Variants in IFT122 observed in about 807,000 individuals in gnomAD.
IFT122 encodes intraflagellar transport 122.
A neutral mutation model predicts 161.6 loss-of-function variants in IFT122; 118 were observed. The observed-to-expected ratio is 0.73, with a 90% confidence interval of 0.63 to 0.85. The LOEUF is 0.85. IFT122 is among the 40% of genes least tolerant of loss of function. The pLI, the probability that IFT122 is intolerant of heterozygous loss-of-function variation, is 0.00. For synonymous variants in IFT122, 550 were observed against 602.4 expected (o/e 0.91, Z 1.27); for missense variants, 1,381 against 1,579.6 (o/e 0.87, Z 2.13).
At chr3:129,476,945 CTT>C (rs952499116) in intron 11 of IFT122, 144 bp downstream of exon 11, 25,289 of 592,366 alleles carry the variant, frequency 0.043, no homozygotes, top group East Asian at 0.054. Flanking sequence ...GTCTTGTTTT[CTT>C]TTTTTTTTTT....
chr3:129,459,632 C>T (rs2075966260), intron 4 of IFT122, among the ~76,000 whole-genome samples: 1 of 142,816 alleles, frequency 7.0e-6, no homozygotes, highest in Non-Finnish European at 1.5e-5. Context: ...TTCCTTCCTT[C>T]CTTCCCTCCC....
intron 25 of IFT122, chr3:129,515,145 A>G: frequency 2.2e-6 from 1 of 448,570 alleles, no homozygotes; most frequent in South Asian, 2.1e-5. Flanking sequence ...TAAATGAGCC[A>G]GTATAGTCCA....
At chr3:129,477,600 T>C (rs1173176709) in intron 11 of IFT122, among the ~76,000 whole-genome samples, 1 of 152,210 alleles carries the variant, frequency 6.6e-6, no homozygotes, top group Non-Finnish European at 1.5e-5. Context: ...TGGTCTGTAG[T>C]GGGAGTGTAG....
intron 24 of IFT122, 30 bp from the exon 25 acceptor site, chr3:129,514,359 C>T (rs2083211652): frequency 1.2e-6 from 2 of 1,613,230 alleles, no homozygotes; most frequent in African/African-American, 1.3e-5. Context: ...CTGGTGTTGC[C>T]CCTGCTGTCC....
intron 3 of IFT122, among the ~76,000 whole-genome samples, chr3:129,453,117 T>C (rs1219658611): frequency 6.6e-6 from 1 of 152,048 alleles, no homozygotes; most frequent in Non-Finnish European, 1.5e-5. Flanking sequence ...GTTGATGATG[T>C]CGGAGAGGGG....
chr3:129,494,778 A>G (rs577694615), intron 17 of IFT122, among the ~76,000 whole-genome samples: 3 of 152,282 alleles, frequency 2.0e-5, no homozygotes, highest in South Asian at 4.1e-4. Context: ...GTCAGACAGA[A>G]CTGCGTCCAA....
intron 23 of IFT122, among the ~76,000 whole-genome samples, chr3:129,511,004 G>A (rs969073096): frequency 1.3e-5 from 2 of 152,204 alleles, no homozygotes; most frequent in African/African-American, 2.4e-5. Flanking sequence ...AAGTGAAGTG[G>A]AGGAGGATTA....
chr3:129,516,542 G>GCA (rs1222701389), intron 26 of IFT122, among the ~76,000 whole-genome samples: 1 of 98,552 alleles, frequency 1.0e-5, no homozygotes, highest in East Asian at 3.3e-4. Flanking sequence ...GACTGCCCCT[G>GCA]CACACACACA....
At chr3:129,454,181 G>A (rs1355685753) in intron 3 of IFT122, among the ~76,000 whole-genome samples, 1 of 152,096 alleles carries the variant, frequency 6.6e-6, no homozygotes, top group Non-Finnish European at 1.5e-5. Flanking sequence ...TATAATTTTA[G>A]TCTGATTAGT....
intron 20 of IFT122, among the ~76,000 whole-genome samples, 188 bp downstream of exon 20, chr3:129,503,070 A>G (rs1232152872): frequency 6.6e-6 from 1 of 152,138 alleles, no homozygotes; most frequent in Non-Finnish European, 1.5e-5. Flanking sequence ...GGGCCTTTCC[A>G]CTTGTCCCTT....
intron 1 of IFT122, among the ~76,000 whole-genome samples, chr3:129,448,672 A>G (rs2074347889): frequency 6.6e-6 from 1 of 151,782 alleles, no homozygotes; most frequent in African/African-American, 2.4e-5. Context: ...GCAAGCTTCC[A>G]GCTTGCCTTT....
chr3:129,475,194 A>G (rs1274459863), intron 9 of IFT122, among the ~76,000 whole-genome samples: 2 of 152,202 alleles, frequency 1.3e-5, no homozygotes, highest in Non-Finnish European at 2.9e-5. Flanking sequence ...GCTCCATATC[A>G]TTAGCCATCA....
Position 129,499,944 on chromosome 3 carries a change from A to T in IFT122, c.2251A>T (p.Ile751Phe). ...AGACCCCAAAGAAACAAAGATGCTA[A>T]TCACCAAACAGGCTGACTGGGCCAG... ...SGDPKETKML[I>F]TKQADWARNI... The change falls in exon 19 of 30, where the codon ATC (isoleucine) becomes TTC (phenylalanine). Residue 751 changes from isoleucine to phenylalanine, a missense_variant. This residue lies in a region of IFT122 where 496 missense variants were observed against 502.5 expected (regional missense o/e 0.99). Coordinates refer to ENST00000348417, the MANE Select transcript of IFT122 (RefSeq NM_052989.3). 6.2e-7 allele frequency: 1 copy of T among 1,614,206 alleles called. No homozygotes were observed. Among genetic ancestry groups the T allele is most frequent in the South Asian group, 1.1e-5 (1 of 91,080 alleles).
At chr3:129,512,266 C>A in intron 23 of IFT122, 46 bp from the exon 24 acceptor site, 2 of 1,359,806 alleles carry the variant, frequency 1.5e-6, no homozygotes, top group Non-Finnish European at 2.1e-6. Flanking sequence ...GGCCCAGCAG[C>A]AGCTCTTGAA....
At chr3:129,474,995 T>A (rs991911428) in intron 9 of IFT122, among the ~76,000 whole-genome samples, 1 of 152,050 alleles carries the variant, frequency 6.6e-6, no homozygotes, top group African/African-American at 2.4e-5. Context: ...TCTAAAAAAA[T>A]ATATTTTTAA....
intron 10 of IFT122, 78 bp from the exon 11 acceptor site, chr3:129,476,585 T>C: frequency 1.2e-6 from 2 of 1,613,530 alleles, no homozygotes; most frequent in Non-Finnish European, 8.5e-7. Flanking sequence ...GTCACATCAC[T>C]GGGGTTTGTG....
intron 1 of IFT122, among the ~76,000 whole-genome samples, chr3:129,443,180 T>G (rs1282393527): frequency 1.3e-5 from 2 of 152,206 alleles, no homozygotes; most frequent in Non-Finnish European, 2.9e-5. Flanking sequence ...AAATTGAGAT[T>G]TAATGAGGTG....
intron 18 of IFT122, among the ~76,000 whole-genome samples, chr3:129,499,250 C>T (rs200451376): frequency 6.6e-6 from 1 of 152,244 alleles, no homozygotes; most frequent in East Asian, 1.9e-4. Context: ...TGCTTGTTAT[C>T]TGTTCCAGGA....
chr3:129,464,694 G>A lies in IFT122; in HGVS notation c.476G>A (p.Arg159Gln), dbSNP rs759240224. Residue 159 changes from arginine (R) to glutamine (Q), a missense_variant, in exon 7 of 30, where the codon CGG becomes CAG. This residue lies in a region of IFT122 where 544 missense variants were observed against 648.0 expected (regional missense o/e 0.84). Transcript: ENST00000348417. ...ATGTTCAATGGGATCATCAGCATAC[G>A]GAACAAAAATGGCGAGGAGAAAGTA... ...LGMFNGIISI[R>Q]NKNGEEKVKI... 2.0e-5 allele frequency: 32 copies of A among 1,613,780 alleles called. No individual in the cohort carries two copies. Among genetic ancestry groups the A allele is most frequent in the Non-Finnish European group, 2.2e-5 (26 of 1,179,982 alleles).
Sources: allele counts gnomAD v4.1 joint callset (sites outside exome capture counted in the v4.1 genomes callset), GRCh38; gene constraint gnomAD v4.1.1; regional missense constraint gnomAD v4.1.1; transcripts MANE v1.5; gene names NCBI Gene and HGNC (gene_info 2026-07-23, HGNC 2026-07-21).